Variants in ZNF24 observed in about 807,000 individuals in gnomAD.
The protein encoded by ZNF24 is retinoic acid suppression protein A.
ZNF24 carries 11 observed loss-of-function variants against 40.9 expected under a neutral mutation model. The ratio of observed to expected loss-of-function variants is 0.27; its 90% confidence interval spans 0.17 to 0.45. ZNF24 has a LOEUF of 0.45. Ranked by LOEUF, ZNF24 falls within the 20% of genes least tolerant of loss-of-function variation. ZNF24 has a pLI of 1.00. For missense variants in ZNF24, 293 were observed against 437.7 expected, an observed-to-expected ratio of 0.67 and a Z score of 2.95; for synonymous variants, 139 against 154.7, an observed-to-expected ratio of 0.90 and a Z score of 0.75.
Position 35,335,060 on chromosome 18 carries a change from C to T in ZNF24, c.*2172G>A, listed in dbSNP as rs1205207477. 6.6e-6 allele frequency: 1 copy of T among 152,126 alleles called. No individual in the cohort carries two copies. Among genetic ancestry groups the T allele is most frequent in the Non-Finnish European group, 1.5e-5 (1 of 68,030 alleles). 9.4% of individuals were successfully genotyped at this position (152,126 alleles called of 1,614,324 possible). Reference sequence around the variant, plus strand: ...GGGAAGCTTCCTTGTATATAGGAACCGCATACGATCTTAAAAAGCATGACA... The same window carrying T: ...GGGAAGCTTCCTTGTATATAGGAACTGCATACGATCTTAAAAAGCATGACA... On this transcript the variant is annotated 3_prime_UTR_variant, in exon 4 of 4. Transcript: ENST00000261332.
rs901711868 is a variant in ZNF24 at position 35,332,935 on chromosome 18, A to G, written c.*4297T>C. The G allele has an allele frequency of 5.3e-5, 8 of 152,288 alleles. No homozygotes were observed. The highest frequency in any genetic ancestry group is 8.8e-5 in the Non-Finnish European group (6 of 68,034). The allele number at this position is 152,288 out of a possible 1,614,324, so 9.4% of individuals were successfully genotyped here. A position where few individuals can be genotyped will look rare whatever the true frequency, so the allele number is the denominator to read the frequency against. On this transcript the variant is annotated 3_prime_UTR_variant, in exon 4 of 4. Coordinates refer to ENST00000261332, the MANE Select transcript of ZNF24 (RefSeq NM_006965.4). ...TTTTTTATAATCAGGGAAATGCAAA[A>G]TAAGAAAAGGTTCTTTTTCGCCCAA... is the stretch of plus-strand genomic sequence containing the variant.
At position 35,340,380 on chromosome 18, in the gene ZNF24, T is replaced by C; in HGVS notation, c.271A>G (p.Ile91Val). Residue 91 changes from isoleucine to valine, a missense_variant, in exon 2 of 4, where the codon ATC becomes GTC. Physicochemically the swap from Ile to Val is conservative, Grantham distance 29. Coordinates refer to ENST00000261332, the MANE Select transcript of ZNF24 (RefSeq NM_006965.4). This position sits in a 1 kb window ranked among gnomAD's most constrained non-coding sequence, Gnocchi z 4.6. Reference protein sequence around the residue: ...LRPETHTKEQILELVVLEQFV... With the variant: ...LRPETHTKEQVLELVVLEQFV... ...TGCTCCAGCACTACCAGCTCCAAGA[T>C]TTGTTCTTTTGTGTGCGTCTCTGGC... is the stretch of plus-strand genomic sequence containing the variant. 6.2e-7 allele frequency: 1 copy of C among 1,614,148 alleles called. No homozygotes were observed. The highest frequency in any genetic ancestry group is 8.5e-7 in the Non-Finnish European group (1 of 1,180,016).
At chr18:35,338,768 C>G (rs1281603556) in intron 3 of ZNF24, 16 of 1,253,556 alleles carry the variant, frequency 1.3e-5, no homozygotes, top group African/African-American at 1.5e-5. Context: ...ACACAGGAAA[C>G]AGAAATTCCC....
intron 3 of ZNF24, chr18:35,338,138 T>C: frequency 5.1e-6 from 5 of 979,398 alleles, no homozygotes; most frequent in Non-Finnish European, 6.1e-6. Context: ...GAAATCATTA[T>C]AATGTTCTTT....
Position 35,340,662 on chromosome 18 carries a change from A to G in ZNF24, c.-12T>C. On this transcript the variant is annotated 5_prime_UTR_variant, in exon 2 of 4. Coordinates refer to ENST00000261332, the MANE Select transcript of ZNF24 (RefSeq NM_006965.4). The surrounding 1 kb of genome is among the most constrained non-coding windows in gnomAD (Gnocchi z 4.6). ...GACTGTGCAGACATTCTGATTTATA[A>G]TATTTCAAGAAAAGACAACTGAGGC... The G allele has an allele frequency of 6.2e-7, 1 of 1,604,156 alleles. No individual in the cohort carries two copies. The highest frequency in any genetic ancestry group is 8.5e-7 in the Non-Finnish European group (1 of 1,175,922).
chr18:35,339,346 A>T (rs2044943281), intron 3 of ZNF24, among the ~76,000 whole-genome samples: 2 of 152,212 alleles, frequency 1.3e-5, no homozygotes, highest in South Asian at 4.1e-4. Context: ...TATTTCTACA[A>T]AAGAAGCTTC....
At chr18:35,342,964 C>T (rs2044983257) in intron 1 of ZNF24, among the ~76,000 whole-genome samples, 1 of 152,160 alleles carries the variant, frequency 6.6e-6, no homozygotes, top group South Asian at 2.1e-4. Flanking sequence ...GACCCTGGAA[C>T]GCATTATTTC....
rs968934011 is a variant in ZNF24 at position 35,333,360 on chromosome 18, G to A, written c.*3872C>T. 3 of 151,982 alleles carry A rather than the reference G, an allele frequency of 2.0e-5. No individual in the cohort carries two copies. Among genetic ancestry groups the A allele is most frequent in the South Asian group, 2.1e-4 (1 of 4,812 alleles). 9.4% of individuals were successfully genotyped at this position (151,982 alleles called of 1,614,324 possible). The stretch of plus-strand genomic sequence containing the variant: ...TTTTTATGTGTATGTATATTCGTAC[G>A]GAAAGGTGACTAGAGGATGTATGTT... On this transcript the variant is annotated 3_prime_UTR_variant, in exon 4 of 4. Coordinates refer to ENST00000261332, the MANE Select transcript of ZNF24 (RefSeq NM_006965.4).
chr18:35,336,599 T>C lies in ZNF24; in HGVS notation c.*633A>G, dbSNP rs2044912832. On this transcript the variant is annotated 3_prime_UTR_variant, in exon 4 of 4. Coordinates refer to ENST00000261332, the MANE Select transcript of ZNF24 (RefSeq NM_006965.4). ...CTGCAGGCAAAATATAAATTCTTGA[T>C]ACATTTCAATTCTTAGATCAAAGTA... 6.6e-6 allele frequency: 1 copy of C among 152,234 alleles called. No individual in the cohort carries two copies. The highest frequency in any genetic ancestry group is 2.1e-4 in the South Asian group (1 of 4,832). The allele number at this position is 152,234 out of a possible 1,614,324, so 9.4% of individuals were successfully genotyped here.
At chr18:35,342,938 C>T (rs2044983107) in intron 1 of ZNF24, among the ~76,000 whole-genome samples, 1 of 152,190 alleles carries the variant, frequency 6.6e-6, no homozygotes, top group African/African-American at 2.4e-5. Flanking sequence ...TACTTCAGTG[C>T]TTTCTAAATG....
Position 35,335,211 on chromosome 18 carries a change from TC to T in ZNF24, c.*2020del, listed in dbSNP as rs1960029547. The T allele has an allele frequency of 6.6e-6, 1 of 152,132 alleles. No homozygotes were observed. The highest frequency in any genetic ancestry group is 1.5e-5 in the Non-Finnish European group (1 of 68,016). 9.4% of individuals were successfully genotyped at this position (152,132 alleles called of 1,614,324 possible). A position where few individuals can be genotyped will look rare whatever the true frequency, so the allele number is the denominator to read the frequency against. The stretch of plus-strand genomic sequence containing the variant: ...AAGAAGCCAGTTATAAATAAATAAA[TC>T]ACATCATTTATCTTAGAGCAGAGGA... On this transcript the variant is annotated 3_prime_UTR_variant, in exon 4 of 4. Transcript: ENST00000261332.
intron 3 of ZNF24, chr18:35,338,786 G>A: frequency 1.5e-6 from 2 of 1,297,176 alleles, no homozygotes; most frequent in Non-Finnish European, 2.0e-6. Context: ...CCCAAGTGTG[G>A]AAGAGACTAG....
rs2044894824 is a variant in ZNF24, at chr18:35,335,222, A to G, written c.*2010T>C. On this transcript the variant is annotated 3_prime_UTR_variant, in exon 4 of 4. Transcript: ENST00000261332. ...TATAAATAAATAAATCACATCATTTATCTTAGAGCAGAGGAGTTTACAGCT... is the reference window on the plus strand; with the variant it reads ...TATAAATAAATAAATCACATCATTTGTCTTAGAGCAGAGGAGTTTACAGCT... The G allele has an allele frequency of 6.6e-6, 1 of 152,192 alleles. No individual in the cohort carries two copies. The allele number at this position is 152,192 out of a possible 1,614,324, so 9.4% of individuals were successfully genotyped here.
At chr18:35,343,376 C>G (rs2044986729) in intron 1 of ZNF24, among the ~76,000 whole-genome samples, 1 of 152,174 alleles carries the variant, frequency 6.6e-6, no homozygotes, top group African/African-American at 2.4e-5. Context: ...ACAGTTTCCC[C>G]AGCTTCTACC....
At position 35,333,324 on chromosome 18, in the gene ZNF24, T is replaced by C. The variant is rs576481264; in HGVS notation, c.*3908A>G. On this transcript the variant is annotated 3_prime_UTR_variant, in exon 4 of 4. Coordinates refer to ENST00000261332, the MANE Select transcript of ZNF24 (RefSeq NM_006965.4). ...GCTACAGAATATGAGATCCTATTTATGTAAAAAGTGTTTTTATGTGTATGT... is the reference window on the plus strand; with the variant it reads ...GCTACAGAATATGAGATCCTATTTACGTAAAAAGTGTTTTTATGTGTATGT... The C allele has an allele frequency of 3.9e-5, 6 of 152,234 alleles. No homozygotes were observed. The highest frequency in any genetic ancestry group is 7.2e-5 in the African/African-American group (3 of 41,470). 9.4% of individuals were successfully genotyped at this position (152,234 alleles called of 1,614,324 possible). A position where few individuals can be genotyped will look rare whatever the true frequency, so the allele number is the denominator to read the frequency against.
In ZNF24 at chr18:35,334,483, T is replaced by C. The variant is rs2044886144; in HGVS notation, c.*2749A>G. The C allele has an allele frequency of 1.3e-5, 2 of 152,330 alleles. No individual in the cohort carries two copies. The highest frequency in any genetic ancestry group is 2.1e-4 in the South Asian group (1 of 4,832). The allele number at this position is 152,330 out of a possible 1,614,324, so 9.4% of individuals were successfully genotyped here. A position where few individuals can be genotyped will look rare whatever the true frequency, so the allele number is the denominator to read the frequency against. On this transcript the variant is annotated 3_prime_UTR_variant, in exon 4 of 4. Transcript: ENST00000261332. ...TCAATTTACATGAATATGAGACATA[T>C]TGCTAAAGATCAAGTACCAACTGGG...
At position 35,336,575 on chromosome 18, in the gene ZNF24, T is replaced by G. The variant is rs549236811; in HGVS notation, c.*657A>C. The G allele has an allele frequency of 2.7e-4, 41 of 152,354 alleles. No homozygotes were observed. Among genetic ancestry groups the G allele is most frequent in the African/African-American group, 7.5e-4 (31 of 41,586 alleles). 9.4% of individuals were successfully genotyped at this position (152,354 alleles called of 1,614,324 possible). A position where few individuals can be genotyped will look rare whatever the true frequency, so the allele number is the denominator to read the frequency against. On this transcript the variant is annotated 3_prime_UTR_variant, in exon 4 of 4. Coordinates refer to ENST00000261332, the MANE Select transcript of ZNF24 (RefSeq NM_006965.4). The stretch of plus-strand genomic sequence containing the variant: ...AGGATGAGTAGCTTTTGAATTTTCC[T>G]GCAGGCAAAATATAAATTCTTGATA...
chr18:35,333,704 T>C lies in ZNF24; in HGVS notation c.*3528A>G, dbSNP rs2044878373. The C allele has an allele frequency of 6.6e-6, 1 of 152,180 alleles. No individual in the cohort carries two copies. Among genetic ancestry groups the C allele is most frequent in the African/African-American group, 2.4e-5 (1 of 41,442 alleles). The allele number at this position is 152,180 out of a possible 1,614,324, so 9.4% of individuals were successfully genotyped here. On this transcript the variant is annotated 3_prime_UTR_variant, in exon 4 of 4. Coordinates refer to ENST00000261332, the MANE Select transcript of ZNF24 (RefSeq NM_006965.4). ...GGAGTTGTAAATTGGTGAAATCTTTTTGGTAGTAGTTTTCAAAACTGCAAA... is the reference window on the plus strand; with the variant it reads ...GGAGTTGTAAATTGGTGAAATCTTTCTGGTAGTAGTTTTCAAAACTGCAAA...
rs1457990630 is a variant in ZNF24, at chr18:35,337,361, CTGA to C, written c.975_977del (p.His325del). 6.2e-7 allele frequency: 1 copy of C among 1,613,888 alleles called. No individual in the cohort carries two copies. Among genetic ancestry groups the C allele is most frequent in the African/African-American group, 1.3e-5 (1 of 74,896 alleles). ...AAGGTTTCTCCCCAGTATGGATTCT[CTGA>C]TGATTAATAAGCCCCGAATTCTGGC... is the stretch of plus-strand genomic sequence containing the variant. On this transcript the variant is annotated inframe_deletion, in exon 4 of 4. Coordinates refer to ENST00000261332, the MANE Select transcript of ZNF24 (RefSeq NM_006965.4).
Sources: allele counts gnomAD v4.1 joint callset (sites outside exome capture counted in the v4.1 genomes callset), GRCh38; gene constraint gnomAD v4.1.1; non-coding constraint Gnocchi (gnomAD v3.1); transcripts MANE v1.5; gene names NCBI Gene and HGNC (gene_info 2026-07-23, HGNC 2026-07-21).